Variants in PDCD7 observed in about 807,000 individuals in gnomAD.
The protein encoded by PDCD7 is programmed cell death 7.
A neutral mutation model predicts 42.1 loss-of-function variants in PDCD7; 40 were observed. That is an observed-to-expected ratio of 0.95 (90% CI 0.74 to 1.24). The LOEUF is 1.24. Ranked by LOEUF, PDCD7 falls within the 50% of genes most tolerant of loss-of-function variation. PDCD7 has a pLI of 0.00. For missense variants in PDCD7, 644 were observed against 662.8 expected (o/e 0.97, Z 0.31); for synonymous variants, 299 against 303.3 (o/e 0.99, Z 0.15).
In PDCD7 at chr15:65,119,862, C is replaced by T. The variant is rs1175507976; in HGVS notation, c.1102G>A (p.Ala368Thr). 6.2e-7 allele frequency: 1 copy of T among 1,614,102 alleles called. No individual in the cohort carries two copies. The highest frequency in any genetic ancestry group is 1.3e-5 in the African/African-American group (1 of 74,940). ...LIKKRSELYE[A>T]EERALRVMLE... ...ATAACTCTGAGGGCTCTCTCTTCAG[C>T]TTCATACAGTTCAGAGCGCTTTTTA... is the stretch of plus-strand genomic sequence containing the variant. Residue 368 changes from alanine (A) to threonine (T), a missense_variant, in exon 3 of 5, where the codon GCT becomes ACT. Physicochemically the swap from Ala to Thr is moderately conservative, Grantham distance 58. Coordinates refer to ENST00000204549, the MANE Select transcript of PDCD7 (RefSeq NM_005707.2).
chr15:65,130,409 T>G (rs778853758), intron 1 of PDCD7, among the ~76,000 whole-genome samples: 1 of 152,010 alleles, frequency 6.6e-6, no homozygotes, highest in Non-Finnish European at 1.5e-5. Context: ...CCGCCCGCCT[T>G]GGCCTCTCAA....
intron 4 of PDCD7, 144 bp from the exon 5 acceptor site, chr15:65,118,984 T>A: frequency 1.8e-6 from 1 of 548,726 alleles, no homozygotes; most frequent in Non-Finnish European, 2.9e-6. Context: ...ATCAAGAAAA[T>A]GACTATATTT....
chr15:65,133,706 C>T lies in PDCD7; in HGVS notation c.76G>A (p.Gly26Ser). 7.8e-7 allele frequency: 1 copy of T among 1,289,560 alleles called. No homozygotes were observed. Among genetic ancestry groups the T allele is most frequent in the Non-Finnish European group, 9.9e-7 (1 of 1,012,334 alleles). 79.9% of individuals were successfully genotyped at this position (1,289,560 alleles called of 1,614,324 possible). A position where few individuals can be genotyped will look rare whatever the true frequency, so the allele number is the denominator to read the frequency against. ...GAGGGCAGCGGCGGTGGCGGACAGC[C>T]GAAAGGAGCAGGAGGCGGCGGCTGC... ...PPQPPPPAPF[G>S]CPPPPLPSPA... is the part of the protein sequence containing the mutation. The change falls in exon 1 of 5, where the codon GGC (glycine) becomes AGC (serine). Residue 26 changes from glycine (G) to serine (S), a missense_variant. Coordinates refer to ENST00000204549, the MANE Select transcript of PDCD7 (RefSeq NM_005707.2).
At chr15:65,130,417 C>T (rs1440277215) in intron 1 of PDCD7, among the ~76,000 whole-genome samples, 1 of 152,060 alleles carries the variant, frequency 6.6e-6, no homozygotes, top group Admixed American at 6.6e-5. Context: ...CTTGGCCTCT[C>T]AAAGTGTTGG....
At chr15:65,121,479 TAAAC>T (rs1035057379) in intron 2 of PDCD7, among the ~76,000 whole-genome samples, 1 of 152,248 alleles carries the variant, frequency 6.6e-6, no homozygotes, top group Admixed American at 6.5e-5. Flanking sequence ...ATCTAATTAA[TAAAC>T]AATTCTTCCT....
At position 65,133,399 on chromosome 15, in the gene PDCD7, G is replaced by A. The variant is rs2087560384; in HGVS notation, c.383C>T (p.Pro128Leu). Residue 128 changes from proline to leucine, a missense_variant, in exon 1 of 5, where the codon CCG becomes CTG. Transcript: ENST00000204549. Reference protein sequence around the residue: ...WSPRWPEAPPPPADVLGDAAL... With the variant: ...WSPRWPEAPPLPADVLGDAAL... ...CGCATCCCCGAGCACGTCGGCCGGC[G>A]GCGGCGGCGCCTCAGGCCACCGCGG... 1 of 1,186,618 alleles carries A rather than the reference G, an allele frequency of 8.4e-7. No individual in the cohort carries two copies. The highest frequency in any genetic ancestry group is 1.0e-6 in the Non-Finnish European group (1 of 959,806). The allele number at this position is 1,186,618 out of a possible 1,614,324, so 73.5% of individuals were successfully genotyped here. A position where few individuals can be genotyped will look rare whatever the true frequency, so the allele number is the denominator to read the frequency against.
intron 2 of PDCD7, among the ~76,000 whole-genome samples, chr15:65,120,406 C>G (rs550495921): frequency 2.6e-5 from 4 of 152,228 alleles, no homozygotes; most frequent in African/African-American, 9.6e-5. Context: ...CCTGCCTTGG[C>G]CTCCCTAAGT....
chr15:65,132,048 A>C (rs1244342831), intron 1 of PDCD7, among the ~76,000 whole-genome samples: 2 of 150,626 alleles, frequency 1.3e-5, no homozygotes, highest in African/African-American at 4.9e-5. Context: ...AGATACATAC[A>C]TATATATACA....
chr15:65,122,782 T>C (rs1031154611), intron 2 of PDCD7, among the ~76,000 whole-genome samples: 38 of 152,142 alleles, frequency 2.5e-4, no homozygotes, highest in Admixed American at 1.6e-3. Flanking sequence ...GACGGGTGGA[T>C]CACGAGGTCA....
At chr15:65,130,648 C>T (rs1172356101) in intron 1 of PDCD7, among the ~76,000 whole-genome samples, 2 of 152,168 alleles carry the variant, frequency 1.3e-5, no homozygotes, top group Non-Finnish European at 2.9e-5. Context: ...CCTGGAACTG[C>T]ACCTATTACC....
rs535120052 is a variant in PDCD7 at position 65,118,642 on chromosome 15, G to A, written c.*75C>T. On this transcript the variant is annotated 3_prime_UTR_variant, in exon 5 of 5. Transcript: ENST00000204549. Reference sequence around the variant, plus strand: ...TTTAGAAGTTGCAGTTTAGTCTACAGCAAAAGATGGCACCATCGCTAATAT... The same window carrying A: ...TTTAGAAGTTGCAGTTTAGTCTACAACAAAAGATGGCACCATCGCTAATAT... 7.6e-6 allele frequency: 11 copies of A among 1,449,376 alleles called. No individual in the cohort carries two copies. In the Admixed American group the frequency reaches 2.4e-4, roughly 32 times the overall value. The allele number at this position is 1,449,376 out of a possible 1,614,324, so 89.8% of individuals were successfully genotyped here. A position where few individuals can be genotyped will look rare whatever the true frequency, so the allele number is the denominator to read the frequency against.
At chr15:65,128,699 C>G (rs967158517) in intron 2 of PDCD7, among the ~76,000 whole-genome samples, 1 of 152,232 alleles carries the variant, frequency 6.6e-6, no homozygotes, top group African/African-American at 2.4e-5. Flanking sequence ...GAAAAGCTTT[C>G]ACTCTGGCAC....
intron 1 of PDCD7, among the ~76,000 whole-genome samples, 182 bp downstream of exon 1, chr15:65,132,730 T>C (rs986342579): frequency 2.0e-5 from 3 of 152,206 alleles, no homozygotes; most frequent in African/African-American, 2.4e-5. Context: ...CCTGGAACTT[T>C]TGTGTACCAC....
chr15:65,119,560 G>T, intron 3 of PDCD7, 97 bp from the exon 4 acceptor site: 1 of 1,228,584 alleles, frequency 8.1e-7, no homozygotes, highest in Non-Finnish European at 1.2e-6. Context: ...GACAGAATGA[G>T]AAAATGTGTT....
chr15:65,119,509 C>T (rs1351969078), intron 3 of PDCD7, 46 bp from the exon 4 acceptor site: 2 of 1,399,638 alleles, frequency 1.4e-6, no homozygotes, highest in Non-Finnish European at 2.0e-6. Flanking sequence ...TTGATATCCA[C>T]AGTGTATTTC....
At chr15:65,132,130 A>G (rs1159224801) in intron 1 of PDCD7, among the ~76,000 whole-genome samples, 1 of 149,000 alleles carries the variant, frequency 6.7e-6, no homozygotes, top group East Asian at 2.0e-4. Context: ...ATGTGTATAT[A>G]TATATATATA....
rs2087561062 is a variant in PDCD7, at chr15:65,133,470, G to C, written c.312C>G (p.Gly104=). The stretch of plus-strand genomic sequence containing the variant: ...CGGGAGGCGGTGGCCGCGGCCGCTC[G>C]CCGGCGTCGGTCCCCGGGAAGGGCC... ...QCRPFPGTDA[G]ERPRPPPPGP... Residue 104 remains glycine (G), a synonymous_variant, in exon 1 of 5, where the codon GGC becomes GGG. Transcript: ENST00000204549. 3 of 1,215,328 alleles carry C rather than the reference G, an allele frequency of 2.5e-6. No individual in the cohort carries two copies. The highest frequency in any genetic ancestry group is 3.1e-6 in the Non-Finnish European group (3 of 977,628). The allele number at this position is 1,215,328 out of a possible 1,614,324, so 75.3% of individuals were successfully genotyped here. A position where few individuals can be genotyped will look rare whatever the true frequency, so the allele number is the denominator to read the frequency against.
chr15:65,132,143 T>G (rs572063947), intron 1 of PDCD7, among the ~76,000 whole-genome samples: 4 of 134,880 alleles, frequency 3.0e-5, no homozygotes, highest in South Asian at 2.5e-4. Context: ...TATATATATA[T>G]AGTAAATGCT....
In PDCD7 at chr15:65,119,555, A is replaced by C. The variant is rs1433899504; in HGVS notation, c.1247-92T>G. 2.5e-6 allele frequency: 3 copies of C among 1,223,040 alleles called. No homozygotes were observed. In the East Asian group the frequency reaches 7.0e-5, roughly 28 times the overall value. 75.8% of individuals were successfully genotyped at this position (1,223,040 alleles called of 1,614,324 possible). ...GTGACTGAGCCTATGATTACGACAG[A>C]ATGAGAAAATGTGTTCTATCTGTAT... On this transcript the variant is annotated intron_variant, in intron 3 of 4. Coordinates refer to ENST00000204549, the MANE Select transcript of PDCD7 (RefSeq NM_005707.2).
Sources: allele counts gnomAD v4.1 joint callset (sites outside exome capture counted in the v4.1 genomes callset), GRCh38; gene constraint gnomAD v4.1.1; transcripts MANE v1.5; gene names NCBI Gene and HGNC (gene_info 2026-07-23, HGNC 2026-07-21).